The following PTPRD variants were observed in gnomAD, a reference collection of about 807,000 sequenced individuals.
PTPRD encodes the protein protein tyrosine phosphatase receptor type D.
Under a neutral mutation model 214.5 loss-of-function variants are expected in PTPRD, and 34 were observed. The observed-to-expected ratio is 0.16, with a 90% CI of 0.12 to 0.21. The LOEUF is 0.21. PTPRD is among the 10% of genes least tolerant of loss of function. The pLI is 1.00. For missense variants in PTPRD, 2,545 were observed against 2,398.7 expected, an observed-to-expected ratio of 1.06 and a Z score of -1.27; for synonymous variants, 1,128 against 845.7, an observed-to-expected ratio of 1.33 and a Z score of -5.79.
intron 3 of PTPRD, among the ~76,000 whole-genome samples, chr9:10,108,775 T>G (rs1436688749): frequency 4.6e-5 from 7 of 152,060 alleles, no homozygotes; most frequent in Non-Finnish European, 8.8e-5. Context: ...AGGGATACTA[T>G]TCATCCTTAA....
intron 4 of PTPRD, among the ~76,000 whole-genome samples, chr9:9,947,530 A>G (rs1029847921): frequency 2.9e-4 from 5 of 17,328 alleles, no homozygotes; most frequent in Non-Finnish European, 4.3e-4. Flanking sequence ...TATTATATAT[A>G]TTTTATATAT....
At chr9:10,305,207 G>GA (rs2154410671) in intron 3 of PTPRD, among the ~76,000 whole-genome samples, 1 of 152,034 alleles carries the variant, frequency 6.6e-6, no homozygotes, top group South Asian at 2.1e-4. Context: ...GGCATATGCA[G>GA]AAAAAACTGA....
intron 43 of PTPRD, among the ~76,000 whole-genome samples, chr9:8,335,024 C>T (rs62533966): frequency 0.44 from 66,569 of 151,590 alleles, 17,592 homozygotes; most frequent in Non-Finnish European, 0.59. Context: ...AATTAATAGC[C>T]TAGCAACCAA....
At chr9:8,352,741 G>A (rs902644091) in intron 39 of PTPRD, among the ~76,000 whole-genome samples, 2 of 152,168 alleles carry the variant, frequency 1.3e-5, no homozygotes, top group African/African-American at 4.8e-5. Flanking sequence ...TAGTTTGTAA[G>A]GCATATCATT....
At chr9:9,677,470 T>C (rs1813671574) in intron 7 of PTPRD, among the ~76,000 whole-genome samples, 1 of 152,186 alleles carries the variant, frequency 6.6e-6, no homozygotes. Flanking sequence ...ACAAAAGCCT[T>C]ATGATTATCT....
At chr9:9,639,254 G>A (rs2095863133) in intron 7 of PTPRD, among the ~76,000 whole-genome samples, 1 of 152,068 alleles carries the variant, frequency 6.6e-6, no homozygotes, top group East Asian at 1.9e-4. Context: ...CTCTAGGATT[G>A]TTTCTACTCA....
intron 8 of PTPRD, among the ~76,000 whole-genome samples, chr9:9,574,187 C>A (rs1326932720): frequency 6.6e-6 from 1 of 151,690 alleles, no homozygotes; most frequent in Non-Finnish European, 1.5e-5. Context: ...TTTGACAAAC[C>A]TTATTGAATA....
intron 12 of PTPRD, among the ~76,000 whole-genome samples, chr9:8,652,736 C>T (rs1237344721): frequency 1.3e-5 from 2 of 151,980 alleles, no homozygotes; most frequent in African/African-American, 2.4e-5. Context: ...ATACAAGATC[C>T]CAAGTGTTTT....
intron 11 of PTPRD, among the ~76,000 whole-genome samples, chr9:8,750,112 A>G (rs2093363993): frequency 6.6e-6 from 1 of 152,084 alleles, no homozygotes; most frequent in Non-Finnish European, 1.5e-5. Context: ...AAAAAAAAAA[A>G]AGCAAGTTCC....
At chr9:10,304,585 T>C (rs74657069) in intron 3 of PTPRD, among the ~76,000 whole-genome samples, 3 of 152,042 alleles carry the variant, frequency 2.0e-5, no homozygotes, top group Admixed American at 6.6e-5. Flanking sequence ...AAAACCAATG[T>C]GCAAAAATCA....
intron 12 of PTPRD, among the ~76,000 whole-genome samples, chr9:8,679,874 C>G (rs1336922328): frequency 6.6e-6 from 1 of 152,184 alleles, no homozygotes; most frequent in Non-Finnish European, 1.5e-5. Context: ...TTCAATTTAA[C>G]AAAAATTTCT....
rs2094881071 is a variant in PTPRD, at chr9:8,767,831, C to A, written c.-103-33885G>T. ...CCAATGTATAACTTAAGTTGAGAAC[C>A]ACTCAGTATGGTCTCATTTAAGTTA... is the stretch of plus-strand genomic sequence containing the variant. On this transcript the variant is annotated intron_variant, in intron 11 of 45. Transcript: ENST00000381196. Among the ~76,000 whole-genome samples the A allele has an allele frequency of 2.0e-5, 3 of 152,132 alleles. No homozygotes were observed. In the South Asian group the frequency reaches 6.2e-4, roughly 32 times the overall value.
intron 2 of PTPRD, among the ~76,000 whole-genome samples, chr9:10,503,270 T>G (rs747597862): frequency 6.7e-6 from 1 of 148,880 alleles, no homozygotes; most frequent in Non-Finnish European, 1.5e-5. Flanking sequence ...AGTGAATAAA[T>G]TATGGTCACT....
chr9:9,938,410 G>T (rs1010574886), intron 5 of PTPRD, 97 bp downstream of exon 5: 1 of 152,094 alleles, frequency 6.6e-6, no homozygotes, highest in African/African-American at 2.4e-5. Flanking sequence ...GCGTAAAAGG[G>T]TTGATGGAGT....
intron 2 of PTPRD, among the ~76,000 whole-genome samples, chr9:10,510,919 T>C (rs1462669714): frequency 6.6e-6 from 1 of 152,136 alleles, no homozygotes; most frequent in African/African-American, 2.4e-5. Flanking sequence ...AGATGAATAC[T>C]TTTAGTTCCC....
chr9:10,430,899 T>A (rs554821847), intron 2 of PTPRD, among the ~76,000 whole-genome samples: 2 of 151,956 alleles, frequency 1.3e-5, no homozygotes, highest in Non-Finnish European at 2.9e-5. Context: ...TTCAAAATGC[T>A]TTGATTATAT....
intron 2 of PTPRD, among the ~76,000 whole-genome samples, chr9:10,573,207 G>A (rs975299395): frequency 4.6e-5 from 7 of 151,946 alleles, no homozygotes; most frequent in Non-Finnish European, 7.4e-5. Flanking sequence ...TTCACCAAAA[G>A]AATTAATCTT....
intron 6 of PTPRD, among the ~76,000 whole-genome samples, chr9:9,760,222 A>T (rs1436003579): frequency 6.6e-6 from 1 of 151,866 alleles, no homozygotes; most frequent in African/African-American, 2.4e-5. Context: ...AAATACATCT[A>T]CTTTTTTTTT....
intron 39 of PTPRD, among the ~76,000 whole-genome samples, chr9:8,350,775 C>T (rs572785064): frequency 6.6e-6 from 1 of 151,978 alleles, no homozygotes; most frequent in African/African-American, 2.4e-5. Context: ...TTATATATTA[C>T]AAAATTAAAA....
Sources: allele counts gnomAD v4.1 joint callset (sites outside exome capture counted in the v4.1 genomes callset), GRCh38; gene constraint gnomAD v4.1.1; transcripts MANE v1.5; gene names NCBI Gene and HGNC (gene_info 2026-07-23, HGNC 2026-07-21).